The following SPATA4 variants were observed in gnomAD, a reference collection of about 807,000 sequenced individuals.
The protein encoded by SPATA4 is spermatogenesis associated 4.
SPATA4 carries 35 observed loss-of-function variants against 31.8 expected under a neutral mutation model. The ratio of observed to expected loss-of-function variants is 1.10; its 90% CI spans 0.84 to 1.46. The LOEUF (loss-of-function observed/expected upper bound fraction) is 1.46, where lower values mean the gene tolerates loss of function less well. Among genes scored for constraint, SPATA4 ranks in the 40% most tolerant of loss-of-function variants. The pLI is 0.00. For missense variants in SPATA4, 394 were observed against 363.1 expected, an observed-to-expected ratio of 1.09 and a Z score of -0.69; for synonymous variants, 126 against 132.4, an observed-to-expected ratio of 0.95 and a Z score of 0.33.
intron 4 of SPATA4, among the ~76,000 whole-genome samples, chr4:176,191,791 G>A (rs1197591565): frequency 6.6e-6 from 1 of 152,112 alleles, no homozygotes; most frequent in Non-Finnish European, 1.5e-5. Flanking sequence ...AGTAAGGAAG[G>A]ACAAAACCTA....
intron 4 of SPATA4, among the ~76,000 whole-genome samples, chr4:176,190,432 C>A (rs1286637268): frequency 1.3e-5 from 2 of 152,184 alleles, no homozygotes; most frequent in Admixed American, 6.5e-5. Context: ...CCACAAATAT[C>A]ATGACTTAAA....
intron 4 of SPATA4, among the ~76,000 whole-genome samples, chr4:176,191,814 CACAATTTTAGGAGATGTTAAAA>C (rs1267319250): frequency 1.3e-5 from 2 of 152,258 alleles, no homozygotes. Flanking sequence ...ATATCCATCT[CACAATTTTAGGAGATGTTAAAA>C]TTGGTGCTTT....
intron 5 of SPATA4, 136 bp from the exon 6 acceptor site, chr4:176,185,028 G>C (rs1752419339): frequency 2.0e-6 from 1 of 489,316 alleles, no homozygotes; most frequent in Admixed American, 4.0e-5. Context: ...TAAATGCCTG[G>C]TAAACAAGAA....
Position 176,184,778 on chromosome 4 carries a change from T to C in SPATA4, c.*2A>G. The C allele has an allele frequency of 6.3e-7, 1 of 1,578,710 alleles. No homozygotes were observed. The highest frequency in any genetic ancestry group is 8.6e-7 in the Non-Finnish European group (1 of 1,161,660). On this transcript the variant is annotated 3_prime_UTR_variant, in exon 6 of 6. Transcript: ENST00000280191. Reference sequence around the variant, plus strand: ...TCTTCAAAGCCATTTGACAGGTGCTTTTCAAGGTTTCTTGTCCATGTTTCT... The same window carrying C: ...TCTTCAAAGCCATTTGACAGGTGCTCTTCAAGGTTTCTTGTCCATGTTTCT...
In SPATA4 at chr4:176,192,760, C is replaced by G; in HGVS notation, c.555G>C (p.Ser185=). 6.2e-7 allele frequency: 1 copy of G among 1,614,044 alleles called. No homozygotes were observed. Among genetic ancestry groups the G allele is most frequent in the South Asian group, 1.1e-5 (1 of 91,068 alleles). The change falls in exon 4 of 6, where the codon TCG becomes TCC. Residue 185 remains serine (S), a synonymous_variant. Transcript: ENST00000280191. ...RLPLVSRSTV[S]KSIKDNIRLS... ...ACCTAATGTTATCTTTAATAGACTT[C>G]GAAACTGTAGACCTGGAAACCAGGG...
At chr4:176,193,107 A>T (rs1227506702) in intron 2 of SPATA4, 31 bp from the exon 3 acceptor site, 1 of 1,360,216 alleles carries the variant, frequency 7.4e-7, no homozygotes, top group African/African-American at 1.5e-5. Context: ...TGTTTTTATC[A>T]TAAGAACTTT....
intron 5 of SPATA4, among the ~76,000 whole-genome samples, chr4:176,187,329 GA>G (rs1275424883): frequency 6.6e-6 from 1 of 150,456 alleles, no homozygotes; most frequent in Non-Finnish European, 1.5e-5. Context: ...TTTTTCTTTT[GA>G]TTTTTTTTTT....
chr4:176,184,826 T>C lies in SPATA4; in HGVS notation c.872A>G (p.Tyr291Cys), dbSNP rs764647834. 1 of 1,604,468 alleles carries C rather than the reference T, an allele frequency of 6.2e-7. No individual in the cohort carries two copies. The highest frequency in any genetic ancestry group is 8.5e-7 in the Non-Finnish European group (1 of 1,175,516). The change falls in exon 6 of 6, where the codon TAT (tyrosine) becomes TGT (cysteine). Residue 291 changes from tyrosine to cysteine, a missense_variant. Tyr to Cys is a radical substitution (Grantham distance 194, BLOSUM62 -2). Coordinates refer to ENST00000280191, the MANE Select transcript of SPATA4 (RefSeq NM_144644.4). ...TCTGATAGGTTTCATAGCAGAGTAA[T>C]AAGAATGTTGTCCAGCTTGCTTCAC... ...IHVKQAGQHS[Y>C]YSAMKPIRNM...
rs1011337224 is a variant in SPATA4 at position 176,188,240 on chromosome 4, A to G, written c.689-5T>C. The G allele has an allele frequency of 1.6e-5, 25 of 1,573,420 alleles. No individual in the cohort carries two copies. The highest frequency in any genetic ancestry group is 1.8e-5 in the Non-Finnish European group (21 of 1,156,278). On this transcript the variant is annotated splice_region_variant and splice_polypyrimidine_tract_variant and intron_variant, in intron 4 of 5. Coordinates refer to ENST00000280191, the MANE Select transcript of SPATA4 (RefSeq NM_144644.4). ...TTGGTTTCACATCAAACCATTCTATAAAATATGAACACAAAAGTTATTTCT... is the reference window on the plus strand; with the variant it reads ...TTGGTTTCACATCAAACCATTCTATGAAATATGAACACAAAAGTTATTTCT...
chr4:176,195,047 T>C, intron 1 of SPATA4, among the ~76,000 whole-genome samples: 1 of 152,200 alleles, frequency 6.6e-6, no homozygotes, highest in Non-Finnish European at 1.5e-5. Flanking sequence ...TCCTTACCAG[T>C]ATTAATGCCC....
rs749799707 is a variant in SPATA4, at chr4:176,195,550, C to T, written c.13G>A (p.Gly5Ser). The change falls in exon 1 of 6, where the codon GGC (glycine) becomes AGC (serine). Residue 5 changes from glycine (G) to serine (S), a missense_variant. Coordinates refer to ENST00000280191, the MANE Select transcript of SPATA4 (RefSeq NM_144644.4). MAAA[G>S]QEKGYLTQTA... is the part of the protein sequence containing the mutation. The stretch of plus-strand genomic sequence containing the variant: ...TGTGTCAAATACCCTTTTTCCTGGC[C>T]GGCGGCAGCCATGACGCTTTCTGGG... The T allele has an allele frequency of 6.2e-7, 1 of 1,613,992 alleles. No homozygotes were observed.
intron 5 of SPATA4, among the ~76,000 whole-genome samples, chr4:176,187,890 C>T (rs879865127): frequency 6.6e-5 from 10 of 152,164 alleles, no homozygotes; most frequent in Non-Finnish European, 1.3e-4. Context: ...AAGCATAAAT[C>T]AGAACTCAGT....
At chr4:176,194,486 G>T (rs1308547040) in intron 1 of SPATA4, 1 of 152,074 alleles carries the variant, frequency 6.6e-6, no homozygotes, top group Non-Finnish European at 1.5e-5. Flanking sequence ...ATCCACAGTT[G>T]CCATCCACTG....
intron 5 of SPATA4, among the ~76,000 whole-genome samples, chr4:176,186,250 C>T (rs986702664): frequency 6.6e-6 from 1 of 152,190 alleles, no homozygotes; most frequent in Non-Finnish European, 1.5e-5. Context: ...CTCATTACTA[C>T]TCTTTTCTAC....
chr4:176,194,725 T>C (rs1752587234), intron 1 of SPATA4: 3 of 9,558 alleles, frequency 3.1e-4, no homozygotes, highest in Admixed American at 1.8e-3. Context: ...TACCAGTATT[T>C]TTTTTTTTTT....
At chr4:176,194,306 C>T (rs1373268755) in intron 1 of SPATA4, 5 of 152,154 alleles carry the variant, frequency 3.3e-5, no homozygotes, top group Non-Finnish European at 7.3e-5. Flanking sequence ...GAATCATATT[C>T]CTGAAATATG....
chr4:176,186,906 G>A (rs768787092), intron 5 of SPATA4, among the ~76,000 whole-genome samples: 22 of 151,626 alleles, frequency 1.5e-4, no homozygotes, highest in Non-Finnish European at 3.1e-4. Flanking sequence ...TTTTATCCCC[G>A]GCGAAATCCC....
intron 3 of SPATA4, 50 bp downstream of exon 3, chr4:176,192,908 T>A (rs1370366081): frequency 1.3e-6 from 2 of 1,583,648 alleles, no homozygotes; most frequent in African/African-American, 2.7e-5. Context: ...TTTTATATTA[T>A]CAAAAGTTTC....
chr4:176,190,099 TATAG>T (rs1386254787), intron 4 of SPATA4, among the ~76,000 whole-genome samples: 1 of 152,174 alleles, frequency 6.6e-6, no homozygotes, highest in East Asian at 1.9e-4. Context: ...GTCTATAATC[TATAG>T]ATAACACAAC....
Sources: gnomAD v4.1 joint callset for allele counts (sites outside exome capture counted in the v4.1 genomes callset) on GRCh38, gnomAD v4.1.1 for gene constraint, MANE v1.5 for transcripts, NCBI Gene and HGNC (gene_info 2026-07-23, HGNC 2026-07-21) for gene names.